The following SNX24 variants were observed in gnomAD, a reference collection of about 807,000 sequenced individuals.
The protein encoded by SNX24 is sorting nexin-24.
In SNX24, 22 loss-of-function variants were observed where a neutral mutation model predicts 28.7. The observed-to-expected ratio is 0.77, with a 90% confidence interval of 0.55 to 1.10. The LOEUF (loss-of-function observed/expected upper bound fraction) is 1.10. SNX24 is among the 50% of genes least tolerant of loss of function. SNX24 has a pLI of 0.00. For missense variants in SNX24, 221 were observed against 201.1 expected, an observed-to-expected ratio of 1.10 and a Z score of -0.60; for synonymous variants, 69 against 71.5, an observed-to-expected ratio of 0.96 and a Z score of 0.18.
At chr5:123,012,264 T>C (rs980900898), downstream of SNX24, among the ~76,000 whole-genome samples, 4 of 152,220 alleles carry the variant, frequency 2.6e-5, no homozygotes, top group African/African-American at 7.2e-5. Context: ...CATATATTCA[T>C]GTTCATAGCA....
intron 1 of SNX24, among the ~76,000 whole-genome samples, chr5:122,878,726 G>A (rs147314096): frequency 6.6e-6 from 1 of 152,206 alleles, no homozygotes; most frequent in East Asian, 1.9e-4. Flanking sequence ...AATCCCAAAT[G>A]CTTTGGAAAC....
At position 122,948,165 on chromosome 5, in the gene SNX24, G is replaced by A. The variant is rs568708864; in HGVS notation, c.249+2006G>A. ...TATTTGCAGGCAATGGGAGGTAGAT[G>A]GAAGTTGCAAAGATAAGCCTGAACA... On this transcript the variant is annotated intron_variant, in intron 3 of 6. Coordinates refer to ENST00000261369, the MANE Select transcript of SNX24 (RefSeq NM_014035.4). Among the ~76,000 whole-genome samples, 3 of 152,308 alleles carry A rather than the reference G, an allele frequency of 2.0e-5. No homozygotes were observed. In the South Asian group the frequency reaches 6.2e-4, roughly 32 times the overall value.
intron 1 of SNX24, among the ~76,000 whole-genome samples, chr5:122,857,851 C>T (rs1215841528): frequency 2.6e-5 from 4 of 152,058 alleles, no homozygotes; most frequent in Admixed American, 1.3e-4. Flanking sequence ...GGCATAATCT[C>T]GGCTCACTGC....
At chr5:122,910,638 T>G (rs1757842174) in intron 1 of SNX24, among the ~76,000 whole-genome samples, 1 of 103,164 alleles carries the variant, frequency 9.7e-6, no homozygotes. Context: ...CCCACAACAG[T>G]CCCCAGAGTG....
intron 1 of SNX24, among the ~76,000 whole-genome samples, chr5:122,929,813 G>A (rs1485376518): frequency 6.6e-6 from 1 of 151,024 alleles, no homozygotes; most frequent in Non-Finnish European, 1.5e-5. Context: ...CTACATTTTA[G>A]GTTTTTTTTC....
intron 1 of SNX24, among the ~76,000 whole-genome samples, chr5:122,932,005 A>G (rs541660981): frequency 2.0e-5 from 3 of 152,106 alleles, no homozygotes; most frequent in South Asian, 4.1e-4. Flanking sequence ...ATTTTGAACT[A>G]TTTTATCCTT....
chr5:122,918,919 C>A (rs188049711), intron 1 of SNX24, among the ~76,000 whole-genome samples: 4 of 152,222 alleles, frequency 2.6e-5, no homozygotes, highest in Admixed American at 2.6e-4. Context: ...TATGTCTCCC[C>A]ATATACAAAT....
At chr5:122,925,915 T>C (rs991636604) in intron 1 of SNX24, among the ~76,000 whole-genome samples, 1 of 152,190 alleles carries the variant, frequency 6.6e-6, no homozygotes, top group African/African-American at 2.4e-5. Context: ...GTTCCTATCA[T>C]TATGGAGCTT....
At chr5:123,006,676 T>G (rs1473930623) in intron 6 of SNX24, among the ~76,000 whole-genome samples, 1 of 152,168 alleles carries the variant, frequency 6.6e-6, no homozygotes, top group African/African-American at 2.4e-5. Context: ...GCCTCCTCAT[T>G]CCCACTTTTC....
intron 1 of SNX24, among the ~76,000 whole-genome samples, chr5:122,864,213 A>G (rs1024014899): frequency 6.6e-6 from 1 of 152,154 alleles, no homozygotes; most frequent in Non-Finnish European, 1.5e-5. Flanking sequence ...ATGGCTTAGA[A>G]CAACATGTTA....
chr5:123,024,850 C>T (rs1762828537), intron 5 of SNX24, among the ~76,000 whole-genome samples: 1 of 152,068 alleles, frequency 6.6e-6, no homozygotes, highest in Non-Finnish European at 1.5e-5. Context: ...CAAGGATGGT[C>T]CAGGCCTGGG....
At chr5:122,954,816 T>G (rs1284703650) in intron 3 of SNX24, among the ~76,000 whole-genome samples, 2 of 152,264 alleles carry the variant, frequency 1.3e-5, no homozygotes, top group East Asian at 3.9e-4. Context: ...TTGTCTTTAG[T>G]TTTCAGAAGT....
intron 1 of SNX24, among the ~76,000 whole-genome samples, chr5:122,854,615 T>C (rs1468178565): frequency 6.6e-6 from 1 of 152,030 alleles, no homozygotes; most frequent in East Asian, 1.9e-4. Context: ...CATACTAATA[T>C]ATTTGTGTCT....
intron 1 of SNX24, among the ~76,000 whole-genome samples, chr5:122,896,403 A>AAATT (rs1757204966): frequency 6.6e-6 from 1 of 152,196 alleles, no homozygotes; most frequent in African/African-American, 2.4e-5. Flanking sequence ...AGGATTTATC[A>AAATT]TGCACATGTT....
At chr5:122,977,187 T>C (rs1291289795) in intron 3 of SNX24, among the ~76,000 whole-genome samples, 1 of 152,212 alleles carries the variant, frequency 6.6e-6, no homozygotes, top group Admixed American at 6.5e-5. Context: ...CATAGAGTTA[T>C]TCATTTATTA....
chr5:122,951,280 AAAG>A (rs1280699319), intron 3 of SNX24, among the ~76,000 whole-genome samples: 33 of 150,002 alleles, frequency 2.2e-4, no homozygotes, highest in African/African-American at 7.8e-4. Flanking sequence ...AAAAAAAAAA[AAAG>A]AAAAAGAAAA....
intron 2 of SNX24, 63 bp from the exon 3 acceptor site, chr5:122,945,992 A>C: frequency 1.2e-6 from 1 of 816,678 alleles, no homozygotes; most frequent in Non-Finnish European, 1.9e-6. Flanking sequence ...AAATAATATC[A>C]CTATAATTAA....
At chr5:122,849,613 C>T (rs1754804844) in intron 1 of SNX24, among the ~76,000 whole-genome samples, 1 of 151,870 alleles carries the variant, frequency 6.6e-6, no homozygotes, top group African/African-American at 2.4e-5. Flanking sequence ...GGGGGAGGGG[C>T]ACCTCTAAAT....
At chr5:122,925,634 A>G (rs1044271064) in intron 1 of SNX24, among the ~76,000 whole-genome samples, 1 of 152,034 alleles carries the variant, frequency 6.6e-6, no homozygotes, top group Non-Finnish European at 1.5e-5. Context: ...CTTCCTTTCT[A>G]TAAGAAACCC....
Sources: allele counts gnomAD v4.1 joint callset (sites outside exome capture counted in the v4.1 genomes callset), GRCh38; gene constraint gnomAD v4.1.1; transcripts MANE v1.5; gene names NCBI Gene and HGNC (gene_info 2026-07-23, HGNC 2026-07-21).